CADM2: variants seen among roughly 807,000 people sequenced by gnomAD.
CADM2 encodes cell adhesion molecule 2.
Under a neutral mutation model 49.8 loss-of-function variants are expected in CADM2, and 12 were observed. The ratio of observed to expected loss-of-function variants is 0.24; its 90% CI spans 0.15 to 0.39. CADM2 has a LOEUF of 0.39. Ranked by LOEUF, CADM2 falls within the 10% of genes least tolerant of loss-of-function variation. The probability of loss-of-function intolerance (pLI) is 1.00; values close to 1 mark genes in which losing one functional copy is unlikely to be tolerated. For synonymous variants in CADM2, 214 were observed against 175.4 expected, an observed-to-expected ratio of 1.22 and a Z score of -1.74; for missense variants, 378 against 492.3, an observed-to-expected ratio of 0.77 and a Z score of 2.20.
At chr3:85,908,254 C>CTTTT (rs898710165) in intron 5 of CADM2, among the ~76,000 whole-genome samples, 7 of 65,762 alleles carry the variant, frequency 1.1e-4, no homozygotes, top group South Asian at 5.0e-4. Flanking sequence ...TTTTTTTCTT[C>CTTTT]TTTTTTTTTT....
chr3:85,128,344 T>C (rs2039108186), intron 1 of CADM2, among the ~76,000 whole-genome samples: 2 of 152,326 alleles, frequency 1.3e-5, no homozygotes, highest in South Asian at 4.1e-4. Context: ...TTTTGCTGTA[T>C]TCATTTATAT....
At chr3:85,403,480 A>G (rs1312881445) in intron 1 of CADM2, among the ~76,000 whole-genome samples, 1 of 152,162 alleles carries the variant, frequency 6.6e-6, no homozygotes, top group Admixed American at 6.5e-5. Flanking sequence ...ACAAACAAAC[A>G]AAAAAGTAAC....
intron 8 of CADM2, among the ~76,000 whole-genome samples, chr3:86,037,293 A>G (rs1334460002): frequency 6.6e-6 from 1 of 152,224 alleles, no homozygotes; most frequent in East Asian, 1.9e-4. Flanking sequence ...CGCTTAACAT[A>G]AAATAAGCAC....
chr3:85,716,432 A>C (rs1468913771), intron 1 of CADM2, among the ~76,000 whole-genome samples: 1 of 152,034 alleles, frequency 6.6e-6, no homozygotes, highest in East Asian at 1.9e-4. Flanking sequence ...AGATTGCAAA[A>C]ATTTTCTCTA....
intron 1 of CADM2, among the ~76,000 whole-genome samples, chr3:85,498,205 T>C (rs975306169): frequency 6.6e-6 from 1 of 152,022 alleles, no homozygotes; most frequent in African/African-American, 2.4e-5. Context: ...TCTGGGCTTT[T>C]TTGTAGGTTA....
At chr3:85,454,085 A>C (rs1433461999) in intron 1 of CADM2, among the ~76,000 whole-genome samples, 5 of 152,124 alleles carry the variant, frequency 3.3e-5, no homozygotes, top group African/African-American at 4.8e-5. Flanking sequence ...CTGGGCGTGG[A>C]GGCTCACGCC....
chr3:84,969,612 A>G (rs1291232937), intron 1 of CADM2, among the ~76,000 whole-genome samples: 1 of 151,872 alleles, frequency 6.6e-6, no homozygotes, highest in African/African-American at 2.4e-5. Flanking sequence ...AAGTATTTAC[A>G]TTATAACTGC....
chr3:85,533,130 G>A (rs188880987), intron 1 of CADM2, among the ~76,000 whole-genome samples: 1 of 152,120 alleles, frequency 6.6e-6, no homozygotes, highest in Non-Finnish European at 1.5e-5. Flanking sequence ...TAACAAACCT[G>A]TACATCTATC....
chr3:85,665,748 G>A (rs1277387382), intron 1 of CADM2, among the ~76,000 whole-genome samples: 2 of 151,840 alleles, frequency 1.3e-5, no homozygotes, highest in Non-Finnish European at 2.9e-5. Context: ...TATTGTACCT[G>A]TCTTCACCTT....
chr3:85,683,769 A>T (rs1353361362), intron 1 of CADM2, among the ~76,000 whole-genome samples: 1 of 152,228 alleles, frequency 6.6e-6, no homozygotes, highest in Non-Finnish European at 1.5e-5. Flanking sequence ...CATAGAAAAC[A>T]GTGCAAACAG....
At chr3:85,787,268 T>C (rs2071048456) in intron 2 of CADM2, among the ~76,000 whole-genome samples, 1 of 152,086 alleles carries the variant, frequency 6.6e-6, no homozygotes, top group African/African-American at 2.4e-5. Flanking sequence ...TAGTAAAAGA[T>C]GGGTCTCCAT....
chr3:85,383,587 A>T (rs1281857385), intron 1 of CADM2, among the ~76,000 whole-genome samples: 3 of 148,136 alleles, frequency 2.0e-5, no homozygotes, highest in Non-Finnish European at 4.5e-5. Flanking sequence ...TAAATAACTG[A>T]CCACTAACCA....
chr3:85,751,922 C>T (rs1169307080), intron 2 of CADM2, among the ~76,000 whole-genome samples: 1 of 151,908 alleles, frequency 6.6e-6, no homozygotes, highest in African/African-American at 2.4e-5. Flanking sequence ...TGAGAGCCTT[C>T]GTAAGGACTA....
At chr3:85,224,106 T>A (rs1267736225) in intron 1 of CADM2, among the ~76,000 whole-genome samples, 1 of 152,192 alleles carries the variant, frequency 6.6e-6, no homozygotes, top group Non-Finnish European at 1.5e-5. Flanking sequence ...TATAATCCTT[T>A]GGGTATATAC....
At chr3:85,380,163 G>T (rs965520660) in intron 1 of CADM2, among the ~76,000 whole-genome samples, 3 of 151,908 alleles carry the variant, frequency 2.0e-5, no homozygotes, top group Non-Finnish European at 4.4e-5. Context: ...CAGTATTCAA[G>T]TTAAGAGCAT....
intron 1 of CADM2, among the ~76,000 whole-genome samples, chr3:85,270,154 G>A (rs1454806377): frequency 6.6e-6 from 1 of 151,082 alleles, no homozygotes; most frequent in Non-Finnish European, 1.5e-5. Context: ...TGAATTTATT[G>A]ACCTGAGATA....
intron 1 of CADM2, among the ~76,000 whole-genome samples, chr3:85,356,233 G>A (rs1007153972): frequency 1.3e-5 from 2 of 152,034 alleles, no homozygotes; most frequent in African/African-American, 4.8e-5. Flanking sequence ...AGAGTATTCA[G>A]GGATGTTTTT....
At chr3:85,837,573 C>T (rs968878236) in intron 3 of CADM2, among the ~76,000 whole-genome samples, 2 of 151,420 alleles carry the variant, frequency 1.3e-5, no homozygotes, top group African/African-American at 2.4e-5. Context: ...AGTTATGTCT[C>T]GTCATCATTC....
At chr3:85,492,522 G>A (rs2039716655) in intron 1 of CADM2, among the ~76,000 whole-genome samples, 1 of 151,992 alleles carries the variant, frequency 6.6e-6, no homozygotes, top group Admixed American at 6.5e-5. Context: ...AACCCAGGAG[G>A]CAGAGGTTGC....
Sources: gnomAD v4.1 joint callset for allele counts (sites outside exome capture counted in the v4.1 genomes callset) on GRCh38, gnomAD v4.1.1 for gene constraint, MANE v1.5 for transcripts, NCBI Gene and HGNC (gene_info 2026-07-23, HGNC 2026-07-21) for gene names.